EOLA1: variants seen among roughly 807,000 people sequenced by gnomAD.
EOLA1 encodes the protein protein EOLA1.
EOLA1 carries 1 observed loss-of-function variant against 4.5 expected under a neutral mutation model. The observed-to-expected ratio is 0.22, with a 90% CI of 0.08 to 1.05. The LOEUF is 1.05. EOLA1 is among the 50% of genes least tolerant of loss of function. The pLI is 0.57. For synonymous variants in EOLA1, 37 were observed against 52.3 expected (o/e 0.71, Z 1.26); for missense variants, 69 against 127.2 (o/e 0.54, Z 2.20).
chrX:149,548,328 T>G lies in EOLA1; in HGVS notation c.*1366T>G. On this transcript the variant is annotated 3_prime_UTR_variant, in exon 5 of 5. Coordinates refer to ENST00000393985, the MANE Select transcript of EOLA1 (RefSeq NM_001171907.3). ...TTATGGGCCATTAGTGGCCTGTGAC[T>G]TCACGAATTTGCAGTGTTTCTGAAC... 1 of 931,778 alleles carries G rather than the reference T, an allele frequency of 1.1e-6. No individual in the cohort carries two copies. Among genetic ancestry groups the G allele is most frequent in the Non-Finnish European group, 1.3e-6 (1 of 750,792 alleles). 76.8% of individuals were successfully genotyped at this position (931,778 alleles called of 1,213,427 possible). A position where few individuals can be genotyped will look rare whatever the true frequency, so the allele number is the denominator to read the frequency against.
chrX:149,548,332 C>T (rs1392329227), downstream of EOLA1: 11 of 931,974 alleles, frequency 1.2e-5, no homozygotes, highest in Non-Finnish European at 1.3e-5. Context: ...TGTGACTTCA[C>T]GAATTTGCAG....
At chrX:149,546,625 C>T in intron 4 of EOLA1, 114 bp from the exon 5 acceptor site, 1 of 852,522 alleles carries the variant, frequency 1.2e-6, no homozygotes, top group Non-Finnish European at 1.6e-6. Flanking sequence ...TGTCATTTTG[C>T]TGATGCTGTC....
At chrX:149,542,186 A>G (rs1475536149) in intron 2 of EOLA1, 101 bp downstream of exon 2, 29 of 254,900 alleles carry the variant, frequency 1.1e-4, no homozygotes, top group African/African-American at 8.4e-4. Flanking sequence ...TTTTGTGGTG[A>G]TGACGAGAAA....
chrX:149,545,813 C>G lies in EOLA1; in HGVS notation c.183C>G (p.Leu61=). ...GGCGGGAGCTGCTGGTGGAGAGACTCGGGATGACTCCTGCTCAGATTCAGG... is the reference window on the plus strand; with the variant it reads ...GGCGGGAGCTGCTGGTGGAGAGACTGGGGATGACTCCTGCTCAGATTCAGG... ...DAWRELLVER[L]GMTPAQIQAL... The change falls in exon 4 of 5, where the codon CTC becomes CTG. Residue 61 remains leucine, a synonymous_variant. Transcript: ENST00000393985. 1 of 1,211,495 alleles carries G rather than the reference C, an allele frequency of 8.3e-7. No individual in the cohort carries two copies. The highest frequency in any genetic ancestry group is 1.1e-6 in the Non-Finnish European group (1 of 895,266).
intron 2 of EOLA1, chrX:149,544,734 A>C (rs1293131611): frequency 2.7e-6 from 2 of 750,529 alleles, no homozygotes; most frequent in African/African-American, 4.8e-5. Flanking sequence ...AGTTGTGGGA[A>C]GTCAGAGCCC....
chrX:149,543,636 A>G (rs1557346789), intron 2 of EOLA1, among the ~76,000 whole-genome samples: 1 of 88,783 alleles, frequency 1.1e-5, no homozygotes, highest in Non-Finnish European at 2.3e-5. Context: ...TGTGGGCCGC[A>G]GATGTGGGAA....
upstream of EOLA1, chrX:149,540,922 C>T (rs1242437517): frequency 3.5e-5 from 4 of 113,230 alleles, no homozygotes; most frequent in Non-Finnish European, 5.6e-5. Context: ...GAGTACGTGC[C>T]TCCCGCGTAC....
rs782461041 is a variant in EOLA1, at chrX:149,541,647, A to G, written c.-230+304A>G. ...CCGTGCTCAGCGTGACCTACCCAGA[A>G]TTAAGCTGAGGACAATGGGATTTAG... On this transcript the variant is annotated intron_variant, in intron 1 of 4. Coordinates refer to ENST00000393985, the MANE Select transcript of EOLA1 (RefSeq NM_001171907.3). The G allele has an allele frequency of 5.3e-5, 20 of 379,584 alleles. No individual in the cohort carries two copies. The South Asian group carries it at 2.5e-3, about 48-fold the overall frequency. The allele number at this position is 379,584 out of a possible 1,213,427, so 31.3% of individuals were successfully genotyped here. A position where few individuals can be genotyped will look rare whatever the true frequency, so the allele number is the denominator to read the frequency against.
In EOLA1 at chrX:149,544,340, G is replaced by A. The variant is rs782258161; in HGVS notation, c.-162-1028G>A. Among the ~76,000 whole-genome samples the A allele has an allele frequency of 6.0e-3, 477 of 78,902 alleles. 12 individuals are homozygous for A. The highest frequency in any genetic ancestry group is 0.023 in the African/African-American group (454 of 19,456). The allele number at this position is 78,902 out of a possible 115,157, so 68.5% of individuals were successfully genotyped here. ...TACCAGGCAGCTTTGGCCCTATCAGGGCTTTGTCTCATGAGGGTGGGTATA... is the reference window on the plus strand; with the variant it reads ...TACCAGGCAGCTTTGGCCCTATCAGAGCTTTGTCTCATGAGGGTGGGTATA... On this transcript the variant is annotated intron_variant, in intron 2 of 4. Transcript: ENST00000393985.
upstream of EOLA1, chrX:149,540,913 A>T (rs1396883228): frequency 8.8e-6 from 1 of 113,154 alleles, no homozygotes; most frequent in Non-Finnish European, 1.9e-5. Context: ...TGCATGGCTG[A>T]GTACGTGCCT....
chrX:149,549,503 C>T, downstream of EOLA1: 2 of 1,130,639 alleles, frequency 1.8e-6, no homozygotes, highest in Non-Finnish European at 2.3e-6. Context: ...AAGAACCTCC[C>T]TCTGGAAGAG....
chrX:149,548,500 G>A (rs1204438048), downstream of EOLA1: 55 of 927,135 alleles, frequency 5.9e-5, 1 homozygote, highest in Non-Finnish European at 2.7e-6. Context: ...CATTATCTGA[G>A]TAAACCAGAC....
chrX:149,546,254 C>T (rs2089842894), intron 4 of EOLA1, among the ~76,000 whole-genome samples: 1 of 95,742 alleles, frequency 1.0e-5, no homozygotes, highest in African/African-American at 3.8e-5. Flanking sequence ...CCGAATGGGT[C>T]AGGTGGCCTC....
chrX:149,548,339 G>C (rs1164865331), downstream of EOLA1: 4 of 930,485 alleles, frequency 4.3e-6, no homozygotes, highest in Non-Finnish European at 5.3e-6. Flanking sequence ...TCACGAATTT[G>C]CAGTGTTTCT....
At chrX:149,545,304 C>T in intron 2 of EOLA1, 64 bp from the exon 3 acceptor site, 1 of 934,747 alleles carries the variant, frequency 1.1e-6, no homozygotes, top group Non-Finnish European at 1.3e-6. Flanking sequence ...CTGTGTTGCC[C>T]TAGGGCTCGG....
At chrX:149,543,851 C>T in intron 2 of EOLA1, among the ~76,000 whole-genome samples, 1 of 88,204 alleles carries the variant, frequency 1.1e-5, no homozygotes. Flanking sequence ...GTGGGGGTCC[C>T]AGAAGGAGGG....
At chrX:149,549,292 T>G, downstream of EOLA1, 1 of 1,109,688 alleles carries the variant, frequency 9.0e-7, no homozygotes, top group Non-Finnish European at 1.2e-6. Context: ...TCTTACAGTA[T>G]ATTATTCAAA....
intron 2 of EOLA1, chrX:149,544,893 G>C (rs1287303571): frequency 1.9e-5 from 14 of 752,143 alleles, no homozygotes; most frequent in Admixed American, 8.7e-5. Flanking sequence ...ATGTGTGTGG[G>C]GTTGCTAGTT....
At chrX:149,544,436 G>C (rs1354121216) in intron 2 of EOLA1, 27 of 566,333 alleles carry the variant, frequency 4.8e-5, no homozygotes, top group Non-Finnish European at 5.5e-5. Context: ...GAGAGGAGTA[G>C]GGGCAGCTCA....
Sources: gnomAD v4.1 joint callset for allele counts (sites outside exome capture counted in the v4.1 genomes callset) on GRCh38, gnomAD v4.1.1 for gene constraint, MANE v1.5 for transcripts, NCBI Gene and HGNC (gene_info 2026-07-23, HGNC 2026-07-21) for gene names.